Variants in GALK1 observed in about 807,000 individuals in gnomAD.
The protein encoded by GALK1 is galactokinase.
GALK1 carries 30 observed loss-of-function variants against 38.6 expected under a neutral mutation model. That is an observed-to-expected ratio of 0.78 (90% CI 0.58 to 1.05). The LOEUF (loss-of-function observed/expected upper bound fraction) is 1.05, where lower values mean the gene tolerates loss of function less well. Ranked by LOEUF, GALK1 falls within the 50% of genes least tolerant of loss-of-function variation. The pLI, the probability that GALK1 is intolerant of heterozygous loss-of-function variation, is 0.00. For missense variants in GALK1, 512 were observed against 540.5 expected, an observed-to-expected ratio of 0.95 and a Z score of 0.52; for synonymous variants, 240 against 233.6, an observed-to-expected ratio of 1.03 and a Z score of -0.25.
chr17:75,757,468 G>A (rs899454796), downstream of GALK1: 1 of 1,612,896 alleles, frequency 6.2e-7, no homozygotes. Context: ...CCCTCACCCG[G>A]CATGTGACCC....
At chr17:75,755,093 C>CCGCTGT (rs1427756628), downstream of GALK1, 3 of 1,603,070 alleles carry the variant, frequency 1.9e-6, no homozygotes, top group Non-Finnish European at 2.6e-6. Flanking sequence ...GAGCAGGCTT[C>CCGCTGT]CGCTGTCCTG....
chr17:75,756,573 T>C (rs754144042), downstream of GALK1: 5 of 1,613,116 alleles, frequency 3.1e-6, no homozygotes, highest in Admixed American at 3.3e-5. Context: ...GTCATCACCA[T>C]TGAATCCCAG....
intron 8 of GALK1, chr17:75,752,475 G>A (rs1568380427): frequency 6.2e-7 from 1 of 1,613,630 alleles, no homozygotes; most frequent in Admixed American, 1.7e-5. Flanking sequence ...CCCTATCGTG[G>A]ACGCCCAGAG....
chr17:75,755,508 G>A (rs1312217431), downstream of GALK1, among the ~76,000 whole-genome samples: 1 of 152,176 alleles, frequency 6.6e-6, no homozygotes, highest in Non-Finnish European at 1.5e-5. Flanking sequence ...CACAAGCAGG[G>A]CCTGCACCCT....
chr17:75,756,995 C>G (rs754832163), downstream of GALK1: 6 of 1,612,842 alleles, frequency 3.7e-6, no homozygotes, highest in Non-Finnish European at 5.1e-6. Flanking sequence ...GCCGGCTGAC[C>G]GTGCCGGGCC....
At chr17:75,764,948 G>A (rs763464166) in intron 1 of GALK1, 24 bp downstream of exon 1, 10 of 1,599,002 alleles carry the variant, frequency 6.3e-6, no homozygotes, top group Non-Finnish European at 8.5e-6. Flanking sequence ...CGGCGGGCTA[G>A]GGGCTCCCCG....
chr17:75,762,722 G>T lies in GALK1; in HGVS notation c.775C>A (p.Gln259Lys). 6.2e-7 allele frequency: 1 copy of T among 1,613,808 alleles called. No individual in the cohort carries two copies. ...ALGKESLREVQLEELEAARDL... is the reference protein window; with the variant it reads ...ALGKESLREVKLEELEAARDL... ...TTCTCACCCTCTAGCTCTTCCAGTT[G>T]TACCTCCCGGAGGCTTTCCTTGCCC... The change falls in exon 5 of 8, where the codon CAA becomes AAA. Residue 259 changes from glutamine to lysine, a missense_variant. Coordinates refer to ENST00000588479, the MANE Select transcript of GALK1 (RefSeq NM_000154.2).
At chr17:75,753,854 C>T, downstream of GALK1, 3 of 1,391,860 alleles carry the variant, frequency 2.2e-6, no homozygotes, top group South Asian at 1.7e-5. Context: ...CATCCCGCGC[C>T]TGTCGGCCAG....
chr17:75,762,695 AGT>A lies in GALK1; in HGVS notation c.793+7_793+8del. The A allele has an allele frequency of 6.2e-7, 1 of 1,613,574 alleles. No individual in the cohort carries two copies. The highest frequency in any genetic ancestry group is 2.2e-5 in the East Asian group (1 of 44,878). The stretch of plus-strand genomic sequence containing the variant: ...CGCCTCCAGGATAGAGCACCCTGGC[AGT>A]TCTCACCCTCTAGCTCTTCCAGTTG... On this transcript the variant is annotated splice_region_variant and intron_variant, in intron 5 of 7. Transcript: ENST00000588479.
chr17:75,764,336 A>C lies in GALK1; in HGVS notation c.166-250T>G, dbSNP rs151109760. ...GGACTCTGCCCTGAGCTGTGGGGCAAGGGGGAGAGCTAGCCCAAAGGGAAA... is the reference window on the plus strand; with the variant it reads ...GGACTCTGCCCTGAGCTGTGGGGCACGGGGGAGAGCTAGCCCAAAGGGAAA... On this transcript the variant is annotated intron_variant, in intron 1 of 7. Coordinates refer to ENST00000588479, the MANE Select transcript of GALK1 (RefSeq NM_000154.2). The C allele has an allele frequency of 3.0e-4, 220 of 736,092 alleles. No individual in the cohort carries two copies. In the African/African-American group the frequency reaches 3.4e-3, roughly 11 times the overall value. 45.6% of individuals were successfully genotyped at this position (736,092 alleles called of 1,614,324 possible).
chr17:75,759,387 C>T (rs2061575992), intron 5 of GALK1, among the ~76,000 whole-genome samples: 1 of 151,006 alleles, frequency 6.6e-6, no homozygotes, highest in Non-Finnish European at 1.5e-5. Context: ...GAGATCATGC[C>T]ACTGCACTTC....
chr17:75,763,372 G>C lies in GALK1; in HGVS notation c.423C>G (p.Ser141Arg). The C allele has an allele frequency of 6.2e-7, 1 of 1,613,828 alleles. No individual in the cohort carries two copies. The highest frequency in any genetic ancestry group is 8.5e-7 in the Non-Finnish European group (1 of 1,179,932). ...SSVPLGGGLSSSASLEVATYT... is the reference protein window; with the variant it reads ...SSVPLGGGLSRSASLEVATYT... Reference sequence around the variant, plus strand: ...ACGTGGCCACTTCCAAGGATGCTGAGCTGGACAGGCCACCCCCCAGGGGCA... The same window carrying C: ...ACGTGGCCACTTCCAAGGATGCTGACCTGGACAGGCCACCCCCCAGGGGCA... Residue 141 changes from serine to arginine, a missense_variant, in exon 3 of 8, where the codon AGC (serine) becomes AGG (arginine). Ser to Arg is a moderately radical substitution (Grantham distance 110, BLOSUM62 -1). Coordinates refer to ENST00000588479, the MANE Select transcript of GALK1 (RefSeq NM_000154.2).
intron 5 of GALK1, 36 bp from the exon 6 acceptor site, chr17:75,758,635 A>T: frequency 3.8e-6 from 6 of 1,563,370 alleles, no homozygotes; most frequent in Non-Finnish European, 5.2e-6. Context: ...CCGCCTTCTC[A>T]CTGCCTGGGG....
intron 5 of GALK1, among the ~76,000 whole-genome samples, chr17:75,760,224 G>A (rs2061581480): frequency 6.6e-6 from 1 of 151,956 alleles, no homozygotes; most frequent in South Asian, 2.1e-4. Flanking sequence ...CTCCTAAGTA[G>A]CTAGGACTAC....
downstream of GALK1, chr17:75,754,514 C>G (rs1010565124): frequency 1.2e-6 from 2 of 1,608,542 alleles, no homozygotes; most frequent in East Asian, 2.2e-5. Flanking sequence ...AGGGCCCAGC[C>G]TGCCCCACGG....
At chr17:75,757,842 G>T (rs1003746670), downstream of GALK1, 7 of 672,038 alleles carry the variant, frequency 1.0e-5, no homozygotes, top group Non-Finnish European at 1.8e-5. Context: ...CCATTCTTCT[G>T]GGGCCTGAGA....
In GALK1 at chr17:75,763,433, G is replaced by A. The variant is rs750478379; in HGVS notation, c.362C>T (p.Pro121Leu). 1.3e-6 allele frequency: 2 copies of A among 1,599,626 alleles called. No homozygotes were observed. The highest frequency in any genetic ancestry group is 2.3e-5 in the East Asian group (1 of 44,030). Reference sequence around the variant, plus strand: ...CACCACTGCACTGAAGCCAGGGAGGGGGGCAGCTGCAGGGGAAAGAACAGG... The same window carrying A: ...CACCACTGCACTGAAGCCAGGGAGGAGGGCAGCTGCAGGGGAAAGAACAGG... ...KGVIQYYPAA[P>L]LPGFSAVVVS... The change falls in exon 3 of 8, where the codon CCC becomes CTC. Residue 121 changes from proline (P) to leucine (L), a missense_variant. Coordinates refer to ENST00000588479, the MANE Select transcript of GALK1 (RefSeq NM_000154.2).
downstream of GALK1, chr17:75,757,400 G>GCCT: frequency 6.2e-7 from 1 of 1,613,002 alleles, no homozygotes; most frequent in Non-Finnish European, 8.5e-7. Context: ...GTCATCTAAT[G>GCCT]CCTCCTCCTC....
downstream of GALK1, chr17:75,756,518 G>C (rs771612802): frequency 6.2e-7 from 1 of 1,613,332 alleles, no homozygotes; most frequent in Non-Finnish European, 8.5e-7. Flanking sequence ...CGTGTTCCGC[G>C]TGCGGGCCCA....
Sources: gnomAD v4.1 joint callset for allele counts (sites outside exome capture counted in the v4.1 genomes callset) on GRCh38, gnomAD v4.1.1 for gene constraint, MANE v1.5 for transcripts, NCBI Gene and HGNC (gene_info 2026-07-23, HGNC 2026-07-21) for gene names.